The following GTF2A1 variants were observed in gnomAD, a reference collection of about 807,000 sequenced individuals.
The protein encoded by GTF2A1 is general transcription factor IIA subunit 1, also known as transcription initiation factor IIA subunit 1.
GTF2A1 carries 12 observed loss-of-function variants against 54.1 expected under a neutral mutation model. That is an observed-to-expected ratio of 0.22 (90% CI 0.14 to 0.36). The LOEUF is 0.36. GTF2A1 is among the 10% of genes least tolerant of loss of function. GTF2A1 has a pLI of 1.00. For missense variants in GTF2A1, 335 were observed against 442.2 expected (o/e 0.76, Z 2.17); for synonymous variants, 145 against 152.0 (o/e 0.95, Z 0.34).
At chr14:81,198,685 A>C (rs1198346149) in intron 4 of GTF2A1, among the ~76,000 whole-genome samples, 2 of 151,992 alleles carry the variant, frequency 1.3e-5, no homozygotes, top group Non-Finnish European at 2.9e-5. Context: ...CTCTCTTTTC[A>C]ATCTTCTTTA....
At chr14:81,203,822 A>T in intron 3 of GTF2A1, 78 bp downstream of exon 3, 1 of 1,267,018 alleles carries the variant, frequency 7.9e-7, no homozygotes, top group South Asian at 1.2e-5. Flanking sequence ...AGATCCAAAA[A>T]ATGCAGAATA....
intron 7 of GTF2A1, 79 bp from the exon 8 acceptor site, chr14:81,185,699 GTTCT>G (rs1477349921): frequency 2.5e-5 from 18 of 719,190 alleles, no homozygotes; most frequent in Non-Finnish European, 3.5e-5. Context: ...TGACCTTGAT[GTTCT>G]TTGAGAACCA....
At position 81,177,261 on chromosome 14, in the gene GTF2A1, T is replaced by C. The variant is rs2140141696; in HGVS notation, c.*2962A>G. ...GTGTAAATGTGACATTATGATGGCA[T>C]TTTAATTAACAGAAAGAAATGTGAA... On this transcript the variant is annotated 3_prime_UTR_variant, in exon 9 of 9. Transcript: ENST00000553612. 6.6e-6 allele frequency: 1 copy of C among 152,254 alleles called. No individual in the cohort carries two copies. The highest frequency in any genetic ancestry group is 1.9e-4 in the East Asian group (1 of 5,182). 9.4% of individuals were successfully genotyped at this position (152,254 alleles called of 1,614,324 possible). A position where few individuals can be genotyped will look rare whatever the true frequency, so the allele number is the denominator to read the frequency against.
chr14:81,185,299 T>TC (rs1566850866), intron 8 of GTF2A1, among the ~76,000 whole-genome samples: 1 of 152,164 alleles, frequency 6.6e-6, no homozygotes, highest in African/African-American at 2.4e-5. Flanking sequence ...AAAAAGAAGA[T>TC]CGTAGCTCTT....
chr14:81,216,741 G>A (rs1300725920), intron 1 of GTF2A1, among the ~76,000 whole-genome samples: 1 of 152,026 alleles, frequency 6.6e-6, no homozygotes, highest in African/African-American at 2.4e-5. Flanking sequence ...AAGACTACAA[G>A]GTCCATACAA....
At chr14:81,204,587 T>C (rs1276482346) in intron 2 of GTF2A1, among the ~76,000 whole-genome samples, 1 of 152,216 alleles carries the variant, frequency 6.6e-6, no homozygotes, top group East Asian at 1.9e-4. Context: ...GATACATAGA[T>C]GCAATCCCCC....
rs552678418 is a variant in GTF2A1, at chr14:81,205,451, T to TA, written c.133-1348dup. 5.9e-5 allele frequency among the ~76,000 whole-genome samples: 9 copies of TA among 152,378 alleles called. No homozygotes were observed. In the East Asian group the frequency reaches 1.4e-3, roughly 23 times the overall value. ...TTTAGACTTACCTGAAGTCTATTCT[T>TA]AGAGAGATGGTAACAAGATCTATCT... is the stretch of plus-strand genomic sequence containing the variant. On this transcript the variant is annotated intron_variant, in intron 2 of 8. Coordinates refer to ENST00000553612, the MANE Select transcript of GTF2A1 (RefSeq NM_015859.4).
intron 6 of GTF2A1, 33 bp downstream of exon 6, chr14:81,196,075 C>A: frequency 1.3e-6 from 2 of 1,596,294 alleles, no homozygotes; most frequent in Non-Finnish European, 1.7e-6. Flanking sequence ...TAAAACAGAA[C>A]CCCATACTGA....
intron 7 of GTF2A1, among the ~76,000 whole-genome samples, chr14:81,190,032 A>G (rs61980894): frequency 0.13 from 19,455 of 152,090 alleles, 1,436 homozygotes; most frequent in African/African-American, 0.2. Context: ...CACAATAATT[A>G]TATTAGGAAT....
chr14:81,211,283 C>T (rs1295692792), intron 2 of GTF2A1, among the ~76,000 whole-genome samples: 2 of 152,280 alleles, frequency 1.3e-5, no homozygotes, highest in East Asian at 3.9e-4. Flanking sequence ...AGTCCAAATT[C>T]CTAGTCTCTA....
In GTF2A1 at chr14:81,178,605, T is replaced by G. The variant is rs1290460878; in HGVS notation, c.*1618A>C. On this transcript the variant is annotated 3_prime_UTR_variant, in exon 9 of 9. Transcript: ENST00000553612. ...TGGGTGGGAAGTAGAAAAAAAAAATTTTTGCCTTTTTTTAAAGTTAAAAGA... is the reference window on the plus strand; with the variant it reads ...TGGGTGGGAAGTAGAAAAAAAAAATGTTTGCCTTTTTTTAAAGTTAAAAGA... 2 of 151,726 alleles carry G rather than the reference T, an allele frequency of 1.3e-5. No individual in the cohort carries two copies. Among genetic ancestry groups the G allele is most frequent in the African/African-American group, 2.4e-5 (1 of 41,294 alleles). 9.4% of individuals were successfully genotyped at this position (151,726 alleles called of 1,614,324 possible).
intron 2 of GTF2A1, chr14:81,210,018 G>T (rs199721074): frequency 0.41 from 180,081 of 435,520 alleles, 41,320 homozygotes; most frequent in Middle Eastern, 0.49. Context: ...ATTTTCGGCA[G>T]GACAATTCTT....
chr14:81,216,375 G>T (rs1363469400), intron 2 of GTF2A1, 38 bp downstream of exon 2: 2 of 863,358 alleles, frequency 2.3e-6, no homozygotes, highest in East Asian at 4.9e-5. Flanking sequence ...GTTTTGTGGG[G>T]GAAAAGTAGG....
intron 2 of GTF2A1, among the ~76,000 whole-genome samples, chr14:81,208,145 T>C (rs1413024267): frequency 6.6e-6 from 1 of 152,008 alleles, no homozygotes; most frequent in African/African-American, 2.4e-5. Context: ...GCCCCTCCCA[T>C]CAGAAGCCCA....
In GTF2A1 at chr14:81,182,959, CTAT is replaced by C. The variant is rs1336266678; in HGVS notation, c.1023+2569_1023+2571del. ...AAATGTCATTTTCTCCAAAGACCTA[CTAT>C]GACTATCCTATTTAAAACTGAAACC... On this transcript the variant is annotated intron_variant, in intron 8 of 8. Coordinates refer to ENST00000553612, the MANE Select transcript of GTF2A1 (RefSeq NM_015859.4). Among the ~76,000 whole-genome samples the C allele has an allele frequency of 3.9e-5, 6 of 152,314 alleles. No individual in the cohort carries two copies. In the South Asian group the frequency reaches 1.0e-3, roughly 26 times the overall value.
intron 7 of GTF2A1, among the ~76,000 whole-genome samples, chr14:81,189,966 ACATTAATAAAATCAACACATCCC>A (rs1892838565): frequency 3.3e-5 from 5 of 150,916 alleles, no homozygotes; most frequent in Non-Finnish European, 7.4e-5. Flanking sequence ...CTCTTTGAAA[ACATTAATAAAATCAACACATCCC>A]TGGTAAGACT....
At chr14:81,200,377 A>G (rs1893078452) in intron 4 of GTF2A1, among the ~76,000 whole-genome samples, 1 of 152,090 alleles carries the variant, frequency 6.6e-6, no homozygotes, top group Admixed American at 6.5e-5. Flanking sequence ...TAATCCTAAC[A>G]CTTCAGGAGG....
intron 2 of GTF2A1, among the ~76,000 whole-genome samples, chr14:81,213,004 C>T (rs770776486): frequency 6.6e-6 from 1 of 152,208 alleles, no homozygotes; most frequent in African/African-American, 2.4e-5. Flanking sequence ...AAATAACAAA[C>T]TCATTTTAGT....
chr14:81,219,151 G>C (rs558038556), intron 1 of GTF2A1, among the ~76,000 whole-genome samples: 2 of 152,190 alleles, frequency 1.3e-5, no homozygotes, highest in East Asian at 3.9e-4. Context: ...AACAAAAAGG[G>C]ACAGCGATTC....
Sources: allele counts gnomAD v4.1 joint callset (sites outside exome capture counted in the v4.1 genomes callset), GRCh38; gene constraint gnomAD v4.1.1; transcripts MANE v1.5; gene names NCBI Gene and HGNC (gene_info 2026-07-23, HGNC 2026-07-21).